The following AKAP6 variants were observed in gnomAD, a reference collection of about 807,000 sequenced individuals.
The protein encoded by AKAP6 is A-kinase anchor protein 6.
Under a neutral mutation model 188.5 loss-of-function variants are expected in AKAP6, and 58 were observed. The observed-to-expected ratio is 0.31, with a 90% CI of 0.25 to 0.38. The LOEUF (loss-of-function observed/expected upper bound fraction) is 0.38, where lower values mean the gene tolerates loss of function less well. AKAP6 is among the 10% of genes least tolerant of loss of function. The pLI is 1.00. For synonymous variants in AKAP6, 989 were observed against 998.6 expected (o/e 0.99, Z 0.18); for missense variants, 2,710 against 2,740.0 (o/e 0.99, Z 0.24).
intron 9 of AKAP6, among the ~76,000 whole-genome samples, chr14:32,702,605 G>A (rs1403341885): frequency 6.6e-6 from 1 of 152,076 alleles, no homozygotes; most frequent in African/African-American, 2.4e-5. Context: ...ATAGTTGGCT[G>A]TGTGTGTGGA....
chr14:32,540,168 C>CTCTCTCTCTCTCTCTATA (rs1240063339), intron 3 of AKAP6, among the ~76,000 whole-genome samples: 19 of 60,908 alleles, frequency 3.1e-4, no homozygotes, highest in African/African-American at 1.9e-3. Flanking sequence ...CTCTCTCTCT[C>CTCTCTCTCTCTCTCTATA]TATATATATA....
chr14:32,496,180 TA>T, intron 2 of AKAP6, among the ~76,000 whole-genome samples: 1 of 152,324 alleles, frequency 6.6e-6, no homozygotes, highest in South Asian at 2.1e-4. Context: ...TCAGGTTTTG[TA>T]ATTAGAATGA....
intron 1 of AKAP6, among the ~76,000 whole-genome samples, chr14:32,423,328 C>A (rs1319530197): frequency 2.6e-5 from 4 of 152,134 alleles, no homozygotes; most frequent in Non-Finnish European, 5.9e-5. Flanking sequence ...TGCCACCACG[C>A]CTGGCTAAGT....
intron 11 of AKAP6, 109 bp downstream of exon 11, chr14:32,735,991 C>T: frequency 1.2e-6 from 1 of 807,028 alleles, no homozygotes; most frequent in Non-Finnish European, 1.9e-6. Context: ...TCACTGTGCA[C>T]CTAAATGTTT....
Position 32,822,343 on chromosome 14 carries a change from A to G in AKAP6, c.4530A>G (p.Lys1510=). ...TTTATTTTGATAAAAAATCATGCAA[A>G]TCTAAACATCAGACTACAGAGTTAC... is the stretch of plus-strand genomic sequence containing the variant. ...RGFYFDKKSC[K]SKHQTTELQP... Residue 1510 remains lysine (K), a synonymous_variant, in exon 13 of 14, where the codon AAA becomes AAG. Coordinates refer to ENST00000280979, the MANE Select transcript of AKAP6 (RefSeq NM_004274.5). The G allele has an allele frequency of 6.2e-7, 1 of 1,614,006 alleles. No homozygotes were observed. Among genetic ancestry groups the G allele is most frequent in the Non-Finnish European group, 8.5e-7 (1 of 1,179,944 alleles).
chr14:32,658,694 C>G (rs1008644597), intron 7 of AKAP6, among the ~76,000 whole-genome samples: 4 of 149,840 alleles, frequency 2.7e-5, no homozygotes, highest in South Asian at 4.2e-4. Flanking sequence ...GCATTGAAAA[C>G]TTAAATAACA....
chr14:32,488,976 C>A (rs1879854344), intron 2 of AKAP6, among the ~76,000 whole-genome samples: 1 of 152,096 alleles, frequency 6.6e-6, no homozygotes, highest in Admixed American at 6.6e-5. Flanking sequence ...CCCGGTAATC[C>A]CCTGGTTTTA....
chr14:32,555,389 C>T (rs1270685205), intron 4 of AKAP6, among the ~76,000 whole-genome samples: 2 of 152,082 alleles, frequency 1.3e-5, no homozygotes, highest in Admixed American at 6.6e-5. Context: ...CGCATCCTAG[C>T]ATTCATACTG....
chr14:32,607,727 G>T (rs772964896), intron 7 of AKAP6, among the ~76,000 whole-genome samples: 9 of 152,130 alleles, frequency 5.9e-5, no homozygotes, highest in Non-Finnish European at 1.0e-4. Flanking sequence ...ATGGAATGGG[G>T]TTCTTGATGC....
At chr14:32,404,370 T>C (rs1321485557) in intron 1 of AKAP6, among the ~76,000 whole-genome samples, 1 of 151,942 alleles carries the variant, frequency 6.6e-6, no homozygotes, top group African/African-American at 2.4e-5. Flanking sequence ...GTGATTTTTG[T>C]TGGGGGAGTG....
intron 3 of AKAP6, among the ~76,000 whole-genome samples, chr14:32,539,827 A>G (rs1213238128): frequency 6.6e-6 from 1 of 152,122 alleles, no homozygotes; most frequent in Non-Finnish European, 1.5e-5. Context: ...GAATCATAGA[A>G]TCCCAACGTG....
chr14:32,492,355 T>TATATATAGAGAGAGAG lies in AKAP6; in HGVS notation c.325-43198_325-43197insTATATAGAGAGAGAGA. On this transcript the variant is annotated intron_variant, in intron 2 of 13. Transcript: ENST00000280979. Reference sequence around the variant, plus strand: ...ACATTGTAATATATATATATATATATAGAGAGAGAGAGAGAGAGAGAGAGA... The same window carrying TATATATAGAGAGAGAG: ...ACATTGTAATATATATATATATATATATATATAGAGAGAGAGAGAGAGAGAGAGAGAGAGAGAGAGA... Among the ~76,000 whole-genome samples, 404 of 82,588 alleles carry TATATATAGAGAGAGAG rather than the reference T, an allele frequency of 4.9e-3. 3 individuals are homozygous for TATATATAGAGAGAGAG. Among genetic ancestry groups the TATATATAGAGAGAGAG allele is most frequent in the East Asian group, 0.018 (27 of 1,528 alleles). 54.2% of individuals were successfully genotyped at this position (82,588 alleles called of 152,430 possible).
chr14:32,499,411 A>C (rs1880493842), intron 2 of AKAP6, among the ~76,000 whole-genome samples: 1 of 151,480 alleles, frequency 6.6e-6, no homozygotes, highest in African/African-American at 2.4e-5. Flanking sequence ...GATAATAAGC[A>C]TGAGCTACTG....
chr14:32,333,591 A>G (rs917280151), intron 1 of AKAP6, among the ~76,000 whole-genome samples: 6 of 152,172 alleles, frequency 3.9e-5, no homozygotes, highest in African/African-American at 1.4e-4. Context: ...GTATAGGTAC[A>G]TATAGCTATA....
At chr14:32,715,690 C>T (rs901837994) in intron 9 of AKAP6, among the ~76,000 whole-genome samples, 16 of 151,728 alleles carry the variant, frequency 1.1e-4, no homozygotes, top group African/African-American at 3.6e-4. Context: ...AACAGGAAGA[C>T]AAACTGGAGA....
intron 7 of AKAP6, among the ~76,000 whole-genome samples, chr14:32,648,537 C>T (rs935204802): frequency 3.3e-5 from 5 of 152,042 alleles, no homozygotes; most frequent in African/African-American, 1.2e-4. Context: ...AAATGGTTTC[C>T]AATTGCCTAG....
At chr14:32,362,841 G>T (rs1285797320) in intron 1 of AKAP6, among the ~76,000 whole-genome samples, 3 of 152,142 alleles carry the variant, frequency 2.0e-5, no homozygotes, top group Non-Finnish European at 2.9e-5. Flanking sequence ...TCAGTGTGGG[G>T]AGGGCTGGAA....
rs865797333 is a variant in AKAP6, at chr14:32,766,105, C to T, written c.3373-7573C>T. 3.3e-5 allele frequency among the ~76,000 whole-genome samples: 5 copies of T among 152,172 alleles called. No individual in the cohort carries two copies. In the East Asian group the frequency reaches 5.8e-4, roughly 18 times the overall value. ...TCTGGACATTTCATATAAAAGGAAT[C>T]GTAAAATATGTGACCTTTTGTATCT... On this transcript the variant is annotated intron_variant, in intron 11 of 13. Coordinates refer to ENST00000280979, the MANE Select transcript of AKAP6 (RefSeq NM_004274.5).
intron 2 of AKAP6, among the ~76,000 whole-genome samples, chr14:32,501,941 A>C (rs563958532): frequency 1.3e-5 from 2 of 152,254 alleles, no homozygotes; most frequent in Admixed American, 6.5e-5. Context: ...ATAAGCGCCC[A>C]GTATAATGAA....
Sources: allele counts gnomAD v4.1 joint callset (sites outside exome capture counted in the v4.1 genomes callset), GRCh38; gene constraint gnomAD v4.1.1; transcripts MANE v1.5; gene names NCBI Gene and HGNC (gene_info 2026-07-23, HGNC 2026-07-21).